Variants in DPF3 observed in about 807,000 individuals in gnomAD.
DPF3 encodes zinc finger protein DPF3.
Under a neutral mutation model 56.8 loss-of-function variants are expected in DPF3, and 18 were observed. The ratio of observed to expected loss-of-function variants is 0.32; its 90% CI spans 0.22 to 0.47. DPF3 has a LOEUF of 0.47. Among genes scored for constraint, DPF3 ranks in the 20% least tolerant of loss-of-function variants. The pLI is 1.00. For synonymous variants in DPF3, 188 were observed against 180.2 expected (o/e 1.04, Z -0.35); for missense variants, 403 against 488.8 (o/e 0.82, Z 1.65).
chr14:72,831,681 A>C (rs928165227), intron 1 of DPF3, among the ~76,000 whole-genome samples: 2 of 152,244 alleles, frequency 1.3e-5, no homozygotes, highest in Non-Finnish European at 2.9e-5. Context: ...CAGTTTTGGC[A>C]CTGGGTTTTG....
intron 1 of DPF3, among the ~76,000 whole-genome samples, chr14:72,784,860 G>A (rs2139970952): frequency 6.6e-6 from 1 of 152,246 alleles, no homozygotes; most frequent in South Asian, 2.1e-4. Context: ...AGGAGGCTGA[G>A]GCAGGAGAAT....
At chr14:72,705,874 C>T (rs1472007808) in intron 6 of DPF3, among the ~76,000 whole-genome samples, 2 of 151,894 alleles carry the variant, frequency 1.3e-5, no homozygotes, top group African/African-American at 4.8e-5. Flanking sequence ...CACAAGGTAC[C>T]AGCAGCTTCC....
At chr14:72,818,556 C>T (rs953520758) in intron 1 of DPF3, among the ~76,000 whole-genome samples, 7 of 152,112 alleles carry the variant, frequency 4.6e-5, no homozygotes, top group East Asian at 3.9e-4. Flanking sequence ...TCATGCCTGC[C>T]GTCCCAGCTA....
At chr14:72,851,804 C>T (rs1209724528) in intron 1 of DPF3, among the ~76,000 whole-genome samples, 2 of 152,216 alleles carry the variant, frequency 1.3e-5, no homozygotes, top group Non-Finnish European at 2.9e-5. Context: ...CCTCCTACCA[C>T]GGGCAACGGG....
intron 4 of DPF3, among the ~76,000 whole-genome samples, chr14:72,724,455 G>A (rs561253935): frequency 5.9e-5 from 9 of 151,992 alleles, no homozygotes; most frequent in Admixed American, 1.3e-4. Flanking sequence ...CAGGTTCATC[G>A]GCTCAGGGTT....
chr14:72,723,765 G>A (rs576705959), intron 4 of DPF3, 37 bp from the exon 5 acceptor site: 505 of 1,535,370 alleles, frequency 3.3e-4, no homozygotes, highest in Non-Finnish European at 4.2e-4. Flanking sequence ...GGTGAGAAAC[G>A]AAATGCAAAG....
At chr14:72,655,997 A>C (rs1316472733) in intron 8 of DPF3, among the ~76,000 whole-genome samples, 1 of 152,172 alleles carries the variant, frequency 6.6e-6, no homozygotes, top group African/African-American at 2.4e-5. Context: ...CTGCTTGTCT[A>C]TTTGTTTTAG....
At position 72,741,885 on chromosome 14, in the gene DPF3, C is replaced by T. The variant is rs534713768; in HGVS notation, c.302-9951G>A. Among the ~76,000 whole-genome samples the T allele has an allele frequency of 5.3e-5, 8 of 152,150 alleles. No individual in the cohort carries two copies. In the East Asian group the frequency reaches 1.2e-3, roughly 22 times the overall value. On this transcript the variant is annotated intron_variant, in intron 3 of 10. Coordinates refer to ENST00000556509, the MANE Select transcript of DPF3 (RefSeq NM_001280542.3). ...GCCAGGTCCCACTGCAAAACATGAC[C>T]GTGGACACTCAGCAGCAGCCGTGCC...
In DPF3 at chr14:72,787,423, T is replaced by C. The variant is rs566482973; in HGVS notation, c.33-15530A>G. Among the ~76,000 whole-genome samples the C allele has an allele frequency of 1.0e-3, 153 of 152,244 alleles. No individual in the cohort carries two copies. In the Middle Eastern group the frequency reaches 0.01, roughly 10 times the overall value. ...TCTCCCACGTCAAATGGAGAGATCG[T>C]CTTCACATATTCCAAATGATGGAAC... On this transcript the variant is annotated intron_variant, in intron 1 of 10. Coordinates refer to ENST00000556509, the MANE Select transcript of DPF3 (RefSeq NM_001280542.3).
rs1441952655 is a variant in DPF3 at position 72,612,429 on chromosome 14, CCTT to C, written c.*6865_*6867del. 1.9e-6 allele frequency: 1 copy of C among 516,268 alleles called. No homozygotes were observed. 32.0% of individuals were successfully genotyped at this position (516,268 alleles called of 1,614,324 possible). A position where few individuals can be genotyped will look rare whatever the true frequency, so the allele number is the denominator to read the frequency against. On this transcript the variant is annotated 3_prime_UTR_variant, in exon 11 of 11. Coordinates refer to ENST00000556509, the MANE Select transcript of DPF3 (RefSeq NM_001280542.3). ...CTCACATATCAGGCAGTGTTTCTGT[CCTT>C]TTTTTTTTTCTAGTACCTAATTTAG...
At chr14:72,687,571 C>T (rs1275562258) in intron 7 of DPF3, among the ~76,000 whole-genome samples, 3 of 152,172 alleles carry the variant, frequency 2.0e-5, no homozygotes, top group Non-Finnish European at 4.4e-5. Context: ...CTCTGCATCC[C>T]CTAAATCCAA....
chr14:72,739,366 T>C (rs1567217309), intron 3 of DPF3, among the ~76,000 whole-genome samples: 2 of 152,182 alleles, frequency 1.3e-5, no homozygotes. Context: ...TCCTTATCTG[T>C]AAACCTGGGA....
At chr14:72,643,721 G>T (rs901965223) in intron 8 of DPF3, among the ~76,000 whole-genome samples, 2 of 152,230 alleles carry the variant, frequency 1.3e-5, no homozygotes, top group African/African-American at 4.8e-5. Flanking sequence ...AGCTTTCCCT[G>T]TGAAGCCTCT....
chr14:72,709,682 G>A (rs1046942487), intron 6 of DPF3, among the ~76,000 whole-genome samples: 6 of 152,180 alleles, frequency 3.9e-5, no homozygotes, highest in Middle Eastern at 3.4e-3. Flanking sequence ...AGTTGAGGAC[G>A]CTGGGATCAT....
intron 1 of DPF3, among the ~76,000 whole-genome samples, chr14:72,887,754 G>A (rs1279115394): frequency 1.3e-5 from 2 of 152,138 alleles, no homozygotes; most frequent in African/African-American, 4.8e-5. Context: ...CTCAAGGCTT[G>A]GGATTCCTCT....
intron 2 of DPF3, among the ~76,000 whole-genome samples, chr14:72,771,116 G>A (rs138861868): frequency 0.011 from 1,640 of 151,336 alleles, 29 homozygotes; most frequent in African/African-American, 0.038. Flanking sequence ...GCGGTGAGTC[G>A]AGATCGCACC....
rs139438902 is a variant in DPF3 at position 72,815,211 on chromosome 14, C to G, written c.33-43318G>C. 4.9e-4 allele frequency among the ~76,000 whole-genome samples: 74 copies of G among 151,780 alleles called. No homozygotes were observed. In the East Asian group the frequency reaches 0.014, roughly 29 times the overall value. On this transcript the variant is annotated intron_variant, in intron 1 of 10. Transcript: ENST00000556509. Reference sequence around the variant, plus strand: ...TTCACAAAAGAAAAGATACAGATGGCCAAAAAGCACATCAAAAAAAAAAGG... The same window carrying G: ...TTCACAAAAGAAAAGATACAGATGGGCAAAAAGCACATCAAAAAAAAAAGG...
At chr14:72,868,505 G>T (rs1351872460) in intron 1 of DPF3, among the ~76,000 whole-genome samples, 1 of 152,186 alleles carries the variant, frequency 6.6e-6, no homozygotes, top group African/African-American at 2.4e-5. Context: ...CACCCCTAGG[G>T]ATTTTGATTC....
chr14:72,666,656 G>A (rs1886457232), intron 8 of DPF3, among the ~76,000 whole-genome samples: 1 of 152,088 alleles, frequency 6.6e-6, no homozygotes, highest in African/African-American at 2.4e-5. Flanking sequence ...TTCTAATAGG[G>A]AAAGAAATGT....
Sources: gnomAD v4.1 joint callset for allele counts (sites outside exome capture counted in the v4.1 genomes callset) on GRCh38, gnomAD v4.1.1 for gene constraint, MANE v1.5 for transcripts, NCBI Gene and HGNC (gene_info 2026-07-23, HGNC 2026-07-21) for gene names.